Variants in MSH4 observed in about 807,000 individuals in gnomAD.
MSH4 encodes the protein mutS protein homolog 4.
MSH4 carries 106 observed loss-of-function variants against 113.7 expected under a neutral mutation model. That is an observed-to-expected ratio of 0.93 (90% CI 0.80 to 1.10). MSH4 has a LOEUF of 1.10. Among genes scored for constraint, MSH4 ranks in the 50% least tolerant of loss-of-function variants. The probability of loss-of-function intolerance (pLI) is 0.00; values close to 1 mark genes in which losing one functional copy is unlikely to be tolerated. For synonymous variants in MSH4, 368 were observed against 380.2 expected (o/e 0.97, Z 0.37); for missense variants, 1,061 against 1,093.7 (o/e 0.97, Z 0.42).
chr1:75,817,794 CA>C (rs36038001), intron 6 of MSH4, among the ~76,000 whole-genome samples: 136,886 of 149,698 alleles, frequency 0.91, 62,860 homozygotes, highest in African/African-American at 0.96. Flanking sequence ...AATAAGTTCT[CA>C]AAAAAAAAAA....
chr1:75,830,245 G>T (rs530041058), intron 7 of MSH4, among the ~76,000 whole-genome samples: 1 of 151,814 alleles, frequency 6.6e-6, no homozygotes, highest in Non-Finnish European at 1.5e-5. Context: ...GAGAAAAAAG[G>T]GTAAAAAAAA....
In MSH4 at chr1:75,852,647, A is replaced by T. The variant is rs564765208; in HGVS notation, c.1230+4371A>T. Among the ~76,000 whole-genome samples, 4 of 152,032 alleles carry T rather than the reference A, an allele frequency of 2.6e-5. No homozygotes were observed. In the East Asian group the frequency reaches 5.8e-4, roughly 22 times the overall value. ...ATGTCGAGCATCTTTTTACATGCTT[A>T]TTGGCCATTTGTATCTTCCTTGGAG... On this transcript the variant is annotated intron_variant, in intron 8 of 19. Coordinates refer to ENST00000263187, the MANE Select transcript of MSH4 (RefSeq NM_002440.4).
chr1:75,884,309 A>C (rs1652005772), intron 15 of MSH4, among the ~76,000 whole-genome samples: 1 of 152,092 alleles, frequency 6.6e-6, no homozygotes, highest in Non-Finnish European at 1.5e-5. Flanking sequence ...ATACATACAC[A>C]TGTGCATACA....
intron 19 of MSH4, among the ~76,000 whole-genome samples, chr1:75,906,440 AT>A (rs1421445957): frequency 1.3e-5 from 1 of 74,380 alleles, no homozygotes; most frequent in Non-Finnish European, 2.5e-5. Flanking sequence ...TTTTTAATAT[AT>A]ATAATATATA....
In MSH4 at chr1:75,890,842, G is replaced by T. The variant is rs780200996; in HGVS notation, c.2355+18G>T. 110 of 1,510,630 alleles carry T rather than the reference G, an allele frequency of 7.3e-5. No homozygotes were observed. The highest frequency in any genetic ancestry group is 4.3e-4 in the Admixed American group (23 of 53,604). 93.6% of individuals were successfully genotyped at this position (1,510,630 alleles called of 1,614,324 possible). On this transcript the variant is annotated intron_variant, in intron 17 of 19. Coordinates refer to ENST00000263187, the MANE Select transcript of MSH4 (RefSeq NM_002440.4). ...GCTTAAAGGTATTCTTTTATTTTAAGTATATTGATTTTGAGTCCTTCTTTA... is the reference window on the plus strand; with the variant it reads ...GCTTAAAGGTATTCTTTTATTTTAATTATATTGATTTTGAGTCCTTCTTTA...
chr1:75,884,265 G>A (rs1161264011), intron 15 of MSH4, among the ~76,000 whole-genome samples: 1 of 152,002 alleles, frequency 6.6e-6, no homozygotes, highest in Non-Finnish European at 1.5e-5. Flanking sequence ...AACTTGAGGG[G>A]TACCAATAAC....
chr1:75,912,614 T>C (rs1288146176), intron 19 of MSH4, 82 bp from the exon 20 acceptor site: 7 of 891,292 alleles, frequency 7.9e-6, no homozygotes, highest in South Asian at 3.3e-5. Context: ...TGGAAGGAGA[T>C]AGAATATTGC....
At position 75,892,791 on chromosome 1, in the gene MSH4, C is replaced by G. The variant is rs1259742737; in HGVS notation, c.2355+1967C>G. On this transcript the variant is annotated intron_variant, in intron 17 of 19. Coordinates refer to ENST00000263187, the MANE Select transcript of MSH4 (RefSeq NM_002440.4). The stretch of plus-strand genomic sequence containing the variant: ...GAAGAACCAGGCATCACATGTGTCC[C>G]TAGATCACAGCAGGGGGGCTGTAAG... Among the ~76,000 whole-genome samples, 3 of 152,196 alleles carry G rather than the reference C, an allele frequency of 2.0e-5. No homozygotes were observed. In the East Asian group the frequency reaches 5.8e-4, roughly 29 times the overall value.
Position 75,822,581 on chromosome 1 carries a change from G to A in MSH4, c.1162G>A (p.Val388Ile), listed in dbSNP as rs1196972390. The change falls in exon 7 of 20, where the codon GTT becomes ATT. Residue 388 changes from valine to isoleucine, a missense_variant and splice_region_variant. Transcript: ENST00000263187. ...DEELFFGLQS[V>I]ISRFLDTEQL... The stretch of plus-strand genomic sequence containing the variant: ...GGAACTATTTTTTGGACTTCAATCA[G>A]GTAAATCAATATTATTTAATATTAT... 7.0e-7 allele frequency: 1 copy of A among 1,432,022 alleles called. No individual in the cohort carries two copies. The highest frequency in any genetic ancestry group is 1.4e-5 in the South Asian group (1 of 69,130). The allele number at this position is 1,432,022 out of a possible 1,614,324, so 88.7% of individuals were successfully genotyped here.
In MSH4 at chr1:75,907,176, C is replaced by T. The variant is rs1652677477; in HGVS notation, c.2620-5520C>T. ...GATTTAAGAGCTCCCTTTAACATTT[C>T]TTATAATATGGGTCTAGTAATGATG... is the stretch of plus-strand genomic sequence containing the variant. On this transcript the variant is annotated intron_variant, in intron 19 of 19. Coordinates refer to ENST00000263187, the MANE Select transcript of MSH4 (RefSeq NM_002440.4). Among the ~76,000 whole-genome samples, 7 of 152,146 alleles carry T rather than the reference C, an allele frequency of 4.6e-5. No homozygotes were observed. The South Asian group carries it at 1.5e-3, about 32-fold the overall frequency.
At chr1:75,810,901 T>A in intron 4 of MSH4, 94 bp downstream of exon 4, 2 of 568,460 alleles carry the variant, frequency 3.5e-6, no homozygotes, top group Non-Finnish European at 2.8e-6. Context: ...AGACAGAGTT[T>A]CACTCTGTCA....
intron 7 of MSH4, among the ~76,000 whole-genome samples, chr1:75,836,919 T>C (rs1650841399): frequency 6.6e-6 from 1 of 152,252 alleles, no homozygotes; most frequent in South Asian, 2.1e-4. Context: ...TATTCACATA[T>C]TCATGACTTC....
At chr1:75,874,511 G>A (rs919877536) in intron 9 of MSH4, among the ~76,000 whole-genome samples, 7 of 152,022 alleles carry the variant, frequency 4.6e-5, no homozygotes, top group African/African-American at 1.7e-4. Flanking sequence ...TTTATAGACA[G>A]GGGTCTCGCT....
chr1:75,806,916 T>A, intron 2 of MSH4, 65 bp from the exon 3 acceptor site: 1 of 1,409,040 alleles, frequency 7.1e-7, no homozygotes, highest in Non-Finnish European at 9.4e-7. Flanking sequence ...ATTTCCTAGT[T>A]TTTTTTAAAA....
chr1:75,817,450 A>C (rs1650318155), intron 6 of MSH4, among the ~76,000 whole-genome samples: 1 of 152,166 alleles, frequency 6.6e-6, no homozygotes, highest in Non-Finnish European at 1.5e-5. Context: ...GTTATTACAA[A>C]GTGTTTTATA....
In MSH4 at chr1:75,803,384, C is replaced by T. The variant is rs1023051633; in HGVS notation, c.245-347C>T. Among the ~76,000 whole-genome samples the T allele has an allele frequency of 1.6e-4, 25 of 152,040 alleles. 1 individual carries two copies. The highest frequency in any genetic ancestry group is 1.4e-3 in the Admixed American group (21 of 15,270). On this transcript the variant is annotated intron_variant, in intron 1 of 19. Coordinates refer to ENST00000263187, the MANE Select transcript of MSH4 (RefSeq NM_002440.4). ...CTCTAATCCCAGCACTTTGGGAGGC[C>T]GAGGCAGGCAGATCATGAGGTCAGG...
At chr1:75,845,238 C>T (rs1488893510) in intron 7 of MSH4, among the ~76,000 whole-genome samples, 2 of 152,188 alleles carry the variant, frequency 1.3e-5, no homozygotes. Context: ...AAAATACATT[C>T]ATTTCATCCC....
At position 75,796,958 on chromosome 1, in the gene MSH4, C is replaced by T. The variant is rs1297042052; in HGVS notation, c.-28C>T. The T allele has an allele frequency of 9.9e-6, 16 of 1,612,630 alleles. No individual in the cohort carries two copies. The highest frequency in any genetic ancestry group is 1.3e-5 in the African/African-American group (1 of 74,902). ...GGAGGGGTCGCTCAGAAACCTCATA[C>T]TTCTCGGGTCAGGGAAGGTTTGGGA... On this transcript the variant is annotated 5_prime_UTR_variant, in exon 1 of 20. Coordinates refer to ENST00000263187, the MANE Select transcript of MSH4 (RefSeq NM_002440.4).
At chr1:75,830,662 A>C (rs1418596231) in intron 7 of MSH4, among the ~76,000 whole-genome samples, 2 of 152,232 alleles carry the variant, frequency 1.3e-5, no homozygotes, top group African/African-American at 2.4e-5. Flanking sequence ...AAGAATTTTC[A>C]ACCCAGAATT....
Sources: gnomAD v4.1 joint callset for allele counts (sites outside exome capture counted in the v4.1 genomes callset) on GRCh38, gnomAD v4.1.1 for gene constraint, MANE v1.5 for transcripts, NCBI Gene and HGNC (gene_info 2026-07-23, HGNC 2026-07-21) for gene names.